The following PWWP2A variants were observed in gnomAD, a reference collection of about 807,000 sequenced individuals.
The protein encoded by PWWP2A is PWWP domain containing 2A.
In PWWP2A, 18 loss-of-function variants were observed where a neutral mutation model predicts 48.5. The ratio of observed to expected loss-of-function variants is 0.37; its 90% CI spans 0.26 to 0.55. The LOEUF is 0.55. Ranked by LOEUF, PWWP2A falls within the 20% of genes least tolerant of loss-of-function variation. PWWP2A has a pLI of 0.81. For missense variants in PWWP2A, 867 were observed against 976.4 expected (o/e 0.89, Z 1.49); for synonymous variants, 396 against 387.7 (o/e 1.02, Z -0.25).
intron 1 of PWWP2A, among the ~76,000 whole-genome samples, chr5:160,103,415 T>C (rs1394265583): frequency 6.6e-6 from 1 of 151,996 alleles, no homozygotes; most frequent in Non-Finnish European, 1.5e-5. Flanking sequence ...CTCTTAAAAA[T>C]AAATAAAATG....
chr5:160,064,901 ATTCAT>A, intron 4 of PWWP2A: 1 of 1,601,530 alleles, frequency 6.2e-7, no homozygotes, highest in South Asian at 1.1e-5. Context: ...TCATTCCTGT[ATTCAT>A]TTGAGTTTTT....
chr5:160,071,785 G>A (rs1260519173), downstream of PWWP2A, among the ~76,000 whole-genome samples: 1 of 152,126 alleles, frequency 6.6e-6, no homozygotes, highest in Non-Finnish European at 1.5e-5. Context: ...GCTGATGGTC[G>A]CTGCCAGCTG....
chr5:160,070,465 CCT>C (rs777011396), intron 2 of PWWP2A, among the ~76,000 whole-genome samples: 28 of 152,002 alleles, frequency 1.8e-4, no homozygotes, highest in Middle Eastern at 3.4e-3. Flanking sequence ...AGTGAGAGAC[CCT>C]GTCTCTGAAA....
At chr5:160,055,948 G>A in the PWWP2A span, among the ~76,000 whole-genome samples, 1 of 152,204 alleles carries the variant, frequency 6.6e-6, no homozygotes, top group African/African-American at 2.4e-5. Context: ...GTTGCCACTG[G>A]AGGAATAGAG....
chr5:160,094,138 A>T, intron 1 of PWWP2A, 73 bp from the exon 2 acceptor site: 1 of 1,415,090 alleles, frequency 7.1e-7, no homozygotes, highest in Non-Finnish European at 9.4e-7. Context: ...AACGTAAACA[A>T]CATCTGATGC....
In PWWP2A at chr5:160,093,996, C is replaced by T; in HGVS notation, c.654G>A (p.Met218Ile). ...KREYKDKPEA[M>I]PLQSNTFQEG... ...CTTGGAATGTATTACTTTGGAGCGG[C>T]ATGGCTTCTGGTTTATCCTTATATT... Residue 218 changes from methionine to isoleucine, a missense_variant, in exon 2 of 2, where the codon ATG becomes ATA. Transcript: ENST00000307063. The surrounding 1 kb of genome is among the most constrained non-coding windows in gnomAD (Gnocchi z 5.8). 6.2e-7 allele frequency: 1 copy of T among 1,613,976 alleles called. No individual in the cohort carries two copies. Among genetic ancestry groups the T allele is most frequent in the Non-Finnish European group, 8.5e-7 (1 of 1,179,870 alleles).
Position 160,093,401 on chromosome 5 carries a change from C to T in PWWP2A, c.1249G>A (p.Val417Ile), listed in dbSNP as rs1352895782. The T allele has an allele frequency of 1.2e-6, 2 of 1,613,730 alleles. No homozygotes were observed. Among genetic ancestry groups the T allele is most frequent in the East Asian group, 4.5e-5 (2 of 44,884 alleles). Residue 417 changes from valine to isoleucine, a missense_variant, in exon 2 of 2, where the codon GTT becomes ATT. Physicochemically the swap from Val to Ile is conservative, Grantham distance 29. Transcript: ENST00000307063. The surrounding 1 kb of genome is among the most constrained non-coding windows in gnomAD (Gnocchi z 5.8). The stretch of plus-strand genomic sequence containing the variant: ...TGATCCATGTTCTTACTCTGGAGAA[C>T]TTTTTTAGTACTTAACTGAGCTTTT... ...TSKAQLSTKK[V>I]LQSKNMDHAK...
downstream of PWWP2A, among the ~76,000 whole-genome samples, chr5:160,074,283 A>G (rs1053897891): frequency 1.3e-5 from 2 of 151,378 alleles, no homozygotes; most frequent in African/African-American, 4.9e-5. Context: ...TACTAAAAAT[A>G]CAAAATTAGC....
intron 1 of PWWP2A, among the ~76,000 whole-genome samples, chr5:160,103,820 A>C (rs1380771451): frequency 1.3e-5 from 2 of 152,130 alleles, no homozygotes; most frequent in African/African-American, 4.8e-5. Flanking sequence ...GAGAATAACC[A>C]GTCTCTTAAT....
At chr5:160,065,657 A>T in intron 4 of PWWP2A, 2 of 296,452 alleles carry the variant, frequency 6.7e-6, no homozygotes, top group South Asian at 6.0e-5. Flanking sequence ...GATTCCACAG[A>T]TCTGCCCAAA....
the PWWP2A span, among the ~76,000 whole-genome samples, chr5:160,045,518 A>T: frequency 0.051 from 3,323 of 65,562 alleles, 315 homozygotes; most frequent in Admixed American, 0.13. Context: ...ACACACATAC[A>T]CACTCTCTCT....
downstream of PWWP2A, chr5:160,089,467 C>T (rs988419056): frequency 1.9e-5 from 22 of 1,129,204 alleles, no homozygotes; most frequent in Non-Finnish European, 2.5e-5. Context: ...CCACCTTGGC[C>T]TTCCAAACTT....
chr5:160,101,733 G>A (rs1457261180), intron 1 of PWWP2A, among the ~76,000 whole-genome samples: 2 of 150,954 alleles, frequency 1.3e-5, no homozygotes, highest in African/African-American at 4.9e-5. Context: ...AAAGTATTTA[G>A]GAGGCTAAAA....
At chr5:160,087,153 A>G (rs1318142132), downstream of PWWP2A, among the ~76,000 whole-genome samples, 1 of 152,058 alleles carries the variant, frequency 6.6e-6, no homozygotes, top group African/African-American at 2.4e-5. Context: ...CCAAGACGAG[A>G]GGATCACTTG....
At chr5:160,061,155 C>T (rs565008288), downstream of PWWP2A, among the ~76,000 whole-genome samples, 9 of 152,356 alleles carry the variant, frequency 5.9e-5, no homozygotes, top group Non-Finnish European at 1.0e-4. Context: ...ACACACAGCT[C>T]GCCTGCCTAT....
At chr5:160,061,757 A>G (rs183178595), downstream of PWWP2A, 2 of 152,156 alleles carry the variant, frequency 1.3e-5, no homozygotes, top group Admixed American at 6.5e-5. Context: ...ATAATTATCT[A>G]TGTGTTAGTT....
At chr5:160,064,866 T>C in intron 4 of PWWP2A, 1 of 1,524,200 alleles carries the variant, frequency 6.6e-7, no homozygotes, top group South Asian at 1.2e-5. Flanking sequence ...TAAGGCAAGA[T>C]TAATTGGTAC....
At chr5:160,062,965 C>T (rs906275014) in intron 5 of PWWP2A, among the ~76,000 whole-genome samples, 4 of 152,192 alleles carry the variant, frequency 2.6e-5, no homozygotes, top group African/African-American at 9.7e-5. Context: ...CGAGGCTGTG[C>T]CGCTGCCTTG....
At chr5:160,058,704 C>T (rs1757615478), downstream of PWWP2A, among the ~76,000 whole-genome samples, 1 of 152,088 alleles carries the variant, frequency 6.6e-6, no homozygotes, top group Admixed American at 6.5e-5. Flanking sequence ...AGCCACCGCG[C>T]CTGGCCAATG....
Sources: allele counts gnomAD v4.1 joint callset (sites outside exome capture counted in the v4.1 genomes callset), GRCh38; gene constraint gnomAD v4.1.1; non-coding constraint Gnocchi (gnomAD v3.1); transcripts MANE v1.5; gene names NCBI Gene and HGNC (gene_info 2026-07-23, HGNC 2026-07-21).